The following ST6GAL1 variants were observed in gnomAD, a reference collection of about 807,000 sequenced individuals.
ST6GAL1 encodes the protein ST6 beta-galactoside alpha-2,6-sialyltransferase 1.
In ST6GAL1, 20 loss-of-function variants were observed where a neutral mutation model predicts 38.0. The ratio of observed to expected loss-of-function variants is 0.53; its 90% CI spans 0.37 to 0.77. The LOEUF (loss-of-function observed/expected upper bound fraction) is 0.77, where lower values mean the gene tolerates loss of function less well. Among genes scored for constraint, ST6GAL1 ranks in the 30% least tolerant of loss-of-function variants. The pLI, the probability that ST6GAL1 is intolerant of heterozygous loss-of-function variation, is 0.00. For missense variants in ST6GAL1, 432 were observed against 496.4 expected, an observed-to-expected ratio of 0.87 and a Z score of 1.23; for synonymous variants, 196 against 188.2, an observed-to-expected ratio of 1.04 and a Z score of -0.34.
intron 2 of ST6GAL1, among the ~76,000 whole-genome samples, chr3:186,978,534 C>A (rs1715591355): frequency 1.3e-5 from 2 of 152,212 alleles, no homozygotes; most frequent in African/African-American, 4.8e-5. Flanking sequence ...GGTGGGGCTG[C>A]AGGCCAGACC....
chr3:186,941,451 G>A (rs560501432), intron 1 of ST6GAL1, among the ~76,000 whole-genome samples: 2 of 152,230 alleles, frequency 1.3e-5, no homozygotes, highest in South Asian at 2.1e-4. Flanking sequence ...ACAACATATC[G>A]GAGGTGGAAT....
At chr3:186,993,392 A>G (rs897327612) in intron 2 of ST6GAL1, among the ~76,000 whole-genome samples, 5 of 152,158 alleles carry the variant, frequency 3.3e-5, no homozygotes, top group Non-Finnish European at 7.4e-5. Flanking sequence ...AAAGTCAAGC[A>G]TGTCTTGTCC....
At position 186,949,324 on chromosome 3, in the gene ST6GAL1, T is replaced by C. The variant is rs548415149; in HGVS notation, c.-324-14461T>C. 6.0e-4 allele frequency among the ~76,000 whole-genome samples: 91 copies of C among 152,168 alleles called. 1 individual carries two copies. In the South Asian group the frequency reaches 0.019, roughly 31 times the overall value. On this transcript the variant is annotated intron_variant, in intron 1 of 7. Transcript: ENST00000169298. Reference sequence around the variant, plus strand: ...GGCTGAGTTATCAGTTACCTAAGAGTCTGCCTCAGGGATTGCCTTTGTGGA... The same window carrying C: ...GGCTGAGTTATCAGTTACCTAAGAGCCTGCCTCAGGGATTGCCTTTGTGGA...
chr3:187,000,395 C>CA (rs370577965), intron 2 of ST6GAL1, among the ~76,000 whole-genome samples: 509 of 123,486 alleles, frequency 4.1e-3, no homozygotes, highest in African/African-American at 9.2e-3. Context: ...ACTAAAAATA[C>CA]AAAAAAAAAA....
At chr3:187,031,270 A>G (rs1434551579) in intron 2 of ST6GAL1, among the ~76,000 whole-genome samples, 1 of 152,222 alleles carries the variant, frequency 6.6e-6, no homozygotes, top group Non-Finnish European at 1.5e-5. Flanking sequence ...CTTCTTGTGC[A>G]GAGCTGCAAA....
intron 1 of ST6GAL1, among the ~76,000 whole-genome samples, chr3:186,940,928 T>A (rs968667391): frequency 6.6e-6 from 1 of 152,104 alleles, no homozygotes; most frequent in African/African-American, 2.4e-5. Context: ...GGAGAGATGG[T>A]TGTAAATGTC....
rs1032206027 is a variant in ST6GAL1 at position 187,075,092 on chromosome 3, T to C, written c.980-470T>C. 2.0e-5 allele frequency among the ~76,000 whole-genome samples: 3 copies of C among 152,112 alleles called. No individual in the cohort carries two copies. The highest frequency in any genetic ancestry group is 7.2e-5 in the African/African-American group (3 of 41,398). ...GAAAAGTCTTCCCTCCCCAACACTG[T>C]TTCATGCAAATGCTATAAGGAAAAA... is the stretch of plus-strand genomic sequence containing the variant. On this transcript the variant is annotated intron_variant, in intron 7 of 7. Transcript: ENST00000169298. This position sits in a 1 kb window ranked among gnomAD's most constrained non-coding sequence, Gnocchi z 4.1.
chr3:186,988,670 T>C (rs1716042275), intron 2 of ST6GAL1, among the ~76,000 whole-genome samples: 1 of 151,718 alleles, frequency 6.6e-6, no homozygotes, highest in Non-Finnish European at 1.5e-5. Flanking sequence ...CCCAGCACTT[T>C]GGGAGGCTGA....
In ST6GAL1 at chr3:187,072,749, TG is replaced by T; in HGVS notation, c.706-96del. ...AGAACTTAGAAGCCTCATGGGGCTC[TG>T]GGGCCTCAGGCTGTACCTTGTGCTA... On this transcript the variant is annotated intron_variant, in intron 5 of 7. Coordinates refer to ENST00000169298, the MANE Select transcript of ST6GAL1 (RefSeq NM_173216.2). 4 of 1,023,692 alleles carry T rather than the reference TG, an allele frequency of 3.9e-6. 1 individual carries two copies. The South Asian group carries it at 5.1e-5, about 13-fold the overall frequency. The allele number at this position is 1,023,692 out of a possible 1,614,324, so 63.4% of individuals were successfully genotyped here. A position where few individuals can be genotyped will look rare whatever the true frequency, so the allele number is the denominator to read the frequency against.
At chr3:187,067,394 CTTTTTTT>C (rs3055154) in intron 5 of ST6GAL1, among the ~76,000 whole-genome samples, 1 of 114,130 alleles carries the variant, frequency 8.8e-6, no homozygotes, top group Non-Finnish European at 1.8e-5. Flanking sequence ...GCAAGGCAAC[CTTTTTTT>C]TTTTTTTTTT....
intron 1 of ST6GAL1, among the ~76,000 whole-genome samples, chr3:186,955,704 G>A (rs750602768): frequency 2.6e-5 from 4 of 151,874 alleles, no homozygotes; most frequent in Admixed American, 1.3e-4. Flanking sequence ...GATTTCACCA[G>A]GTTGGCCAGG....
At chr3:186,975,814 G>A (rs952004119) in intron 2 of ST6GAL1, among the ~76,000 whole-genome samples, 1 of 152,224 alleles carries the variant, frequency 6.6e-6, no homozygotes, top group African/African-American at 2.4e-5. Context: ...GGCACTGAAG[G>A]AGGTCTGGGG....
intron 2 of ST6GAL1, among the ~76,000 whole-genome samples, chr3:187,036,408 C>CA (rs1717932356): frequency 6.6e-6 from 1 of 152,118 alleles, no homozygotes; most frequent in Admixed American, 6.5e-5. Context: ...GGTATATATC[C>CA]AAAAGGAAAT....
At chr3:187,020,281 C>T (rs563376907) in intron 2 of ST6GAL1, among the ~76,000 whole-genome samples, 4 of 149,628 alleles carry the variant, frequency 2.7e-5, no homozygotes, top group East Asian at 4.0e-4. Flanking sequence ...GGTAACAGAG[C>T]GAGACTCTGT....
intron 2 of ST6GAL1, among the ~76,000 whole-genome samples, chr3:186,993,512 G>A (rs1716248211): frequency 6.6e-6 from 1 of 152,100 alleles, no homozygotes; most frequent in Non-Finnish European, 1.5e-5. Flanking sequence ...TGGCATCACG[G>A]GGTGCAGTTT....
intron 5 of ST6GAL1, among the ~76,000 whole-genome samples, chr3:187,066,320 T>A (rs137864080): frequency 1.6e-4 from 25 of 152,240 alleles, no homozygotes; most frequent in African/African-American, 5.3e-4. Flanking sequence ...TCACATGGCT[T>A]TTCCTCTGTG....
At chr3:186,943,364 G>A (rs558570339) in intron 1 of ST6GAL1, among the ~76,000 whole-genome samples, 2 of 152,278 alleles carry the variant, frequency 1.3e-5, no homozygotes, top group African/African-American at 2.4e-5. Flanking sequence ...ATGAAGTGGC[G>A]GGACTTGAGG....
chr3:186,942,996 C>T (rs539351424), intron 1 of ST6GAL1, among the ~76,000 whole-genome samples: 1 of 152,288 alleles, frequency 6.6e-6, no homozygotes, highest in South Asian at 2.1e-4. Context: ...AGCCACTGTG[C>T]CGGGACTGCA....
chr3:186,946,077 G>A (rs988879220), intron 1 of ST6GAL1, among the ~76,000 whole-genome samples: 2 of 151,644 alleles, frequency 1.3e-5, no homozygotes, highest in East Asian at 1.9e-4. Flanking sequence ...GAGGCCAAGC[G>A]GGTGGATCAC....
Sources: allele counts gnomAD v4.1 joint callset (sites outside exome capture counted in the v4.1 genomes callset), GRCh38; gene constraint gnomAD v4.1.1; non-coding constraint Gnocchi (gnomAD v3.1); transcripts MANE v1.5; gene names NCBI Gene and HGNC (gene_info 2026-07-23, HGNC 2026-07-21).